The following RNF182 variants were observed in gnomAD, a reference collection of about 807,000 sequenced individuals.
RNF182 encodes the protein ring finger protein 182.
RNF182 carries 15 observed loss-of-function variants against 14.4 expected under a neutral mutation model. That is an observed-to-expected ratio of 1.04 (90% CI 0.70 to 1.60). The LOEUF is 1.60. RNF182 is among the 40% of genes most tolerant of loss of function. The probability of loss-of-function intolerance (pLI) is 0.00; values close to 1 mark genes in which losing one functional copy is unlikely to be tolerated. For missense variants in RNF182, 268 were observed against 294.8 expected, an observed-to-expected ratio of 0.91 and a Z score of 0.67; for synonymous variants, 128 against 122.9, an observed-to-expected ratio of 1.04 and a Z score of -0.27.
intron 1 of RNF182, among the ~76,000 whole-genome samples, chr6:13,934,716 T>G (rs1018827374): frequency 6.6e-6 from 1 of 152,354 alleles, no homozygotes; most frequent in Non-Finnish European, 1.5e-5. Flanking sequence ...TTCATTATTC[T>G]CCTGTCCTGG....
chr6:13,952,870 A>G (rs1471536596), intron 1 of RNF182, among the ~76,000 whole-genome samples: 1 of 152,240 alleles, frequency 6.6e-6, no homozygotes, highest in Non-Finnish European at 1.5e-5. Flanking sequence ...TTGTTTATAT[A>G]TAAGATAACA....
intron 1 of RNF182, among the ~76,000 whole-genome samples, chr6:13,926,082 G>A (rs1214744645): frequency 6.6e-6 from 1 of 152,036 alleles, no homozygotes; most frequent in Non-Finnish European, 1.5e-5. Context: ...ATGTTAATAA[G>A]ATTTGTTTTA....
chr6:13,977,495 T>TC lies in RNF182; in HGVS notation c.378dup (p.Asn127GlnfsTer28), dbSNP rs935163980. On this transcript the variant is annotated frameshift_variant, in exon 3 of 3. Transcript: ENST00000488300. LOFTEE classifies it high-confidence loss of function. ...TCTGGTCAGTCCTTCTCACACGTCC[T>TC]CCAACTGCCTGGTCATAACCATCAT... 1.3e-5 allele frequency: 21 copies of TC among 1,614,160 alleles called. No individual in the cohort carries two copies. Among genetic ancestry groups the TC allele is most frequent in the Non-Finnish European group, 1.8e-5 (21 of 1,180,022 alleles).
chr6:13,957,430 T>A (rs1424604950), intron 1 of RNF182, among the ~76,000 whole-genome samples: 1 of 152,242 alleles, frequency 6.6e-6, no homozygotes, highest in African/African-American at 2.4e-5. Flanking sequence ...TTAAATGTGG[T>A]AGAATATAGA....
chr6:13,951,519 A>G (rs1327041200), intron 1 of RNF182, among the ~76,000 whole-genome samples: 4 of 152,178 alleles, frequency 2.6e-5, no homozygotes, highest in Non-Finnish European at 5.9e-5. Context: ...TTCCTCCCTC[A>G]TAGCTGCCAT....
chr6:13,967,724 T>G lies in RNF182; in HGVS notation c.-366-6486T>G, dbSNP rs534770285. 1.5e-4 allele frequency among the ~76,000 whole-genome samples: 23 copies of G among 152,270 alleles called. No individual in the cohort carries two copies. The South Asian group carries it at 3.3e-3, about 22-fold the overall frequency. ...ATTTAAGAAAAGTATATAACCTTTTTAAAATTTATTAATTTTTTTTTAAAA... is the reference window on the plus strand; with the variant it reads ...ATTTAAGAAAAGTATATAACCTTTTGAAAATTTATTAATTTTTTTTTAAAA... On this transcript the variant is annotated intron_variant, in intron 1 of 2. Transcript: ENST00000488300.
intron 1 of RNF182, among the ~76,000 whole-genome samples, chr6:13,967,928 G>T (rs910957613): frequency 1.3e-5 from 2 of 152,034 alleles, no homozygotes; most frequent in Non-Finnish European, 2.9e-5. Flanking sequence ...TCAATAAAAG[G>T]TACACAATCT....
In RNF182 at chr6:13,978,965, AGACTTTGTGTTG is replaced by A. The variant is rs1221970079; in HGVS notation, c.*1103_*1114del. On this transcript the variant is annotated 3_prime_UTR_variant, in exon 3 of 3. Transcript: ENST00000488300. Reference sequence around the variant, plus strand: ...ATATGATGGTTTAGGTTTATGTGCAAGACTTTGTGTTGTAGTCTAGACAAAGGGGTGGGCAAG... The same window carrying A: ...ATATGATGGTTTAGGTTTATGTGCAATAGTCTAGACAAAGGGGTGGGCAAG... 6.0e-6 allele frequency: 1 copy of A among 167,082 alleles called. No homozygotes were observed. Among genetic ancestry groups the A allele is most frequent in the East Asian group, 1.9e-4 (1 of 5,198 alleles). The allele number at this position is 167,082 out of a possible 1,614,324, so 10.3% of individuals were successfully genotyped here.
intron 1 of RNF182, among the ~76,000 whole-genome samples, chr6:13,973,072 C>T (rs1760234026): frequency 6.6e-6 from 1 of 152,228 alleles, no homozygotes; most frequent in South Asian, 2.1e-4. Context: ...ACCATGGGAA[C>T]CCACCTCTTG....
chr6:13,952,479 G>A (rs767404380), intron 1 of RNF182, among the ~76,000 whole-genome samples: 2 of 152,192 alleles, frequency 1.3e-5, no homozygotes, highest in East Asian at 3.9e-4. Context: ...CTTACGTCTC[G>A]GGAGGGATGC....
chr6:13,968,761 T>C (rs558835490), intron 1 of RNF182, among the ~76,000 whole-genome samples: 1 of 152,322 alleles, frequency 6.6e-6, no homozygotes, highest in East Asian at 1.9e-4. Flanking sequence ...TGATGACCTT[T>C]GTGTATTTAT....
At chr6:13,939,839 G>T (rs144238023) in intron 1 of RNF182, among the ~76,000 whole-genome samples, 2 of 152,142 alleles carry the variant, frequency 1.3e-5, no homozygotes, top group Non-Finnish European at 2.9e-5. Context: ...CACTGTGCCC[G>T]GGCATAAATG....
intron 1 of RNF182, among the ~76,000 whole-genome samples, chr6:13,950,900 G>GCA (rs1759574258): frequency 6.6e-6 from 1 of 151,600 alleles, no homozygotes; most frequent in Non-Finnish European, 1.5e-5. Context: ...GGGTTCAAGT[G>GCA]ATTCTCCTGC....
At chr6:13,968,920 C>T (rs1429549794) in intron 1 of RNF182, among the ~76,000 whole-genome samples, 1 of 152,158 alleles carries the variant, frequency 6.6e-6, no homozygotes, top group African/African-American at 2.4e-5. Flanking sequence ...GATCTAAAAA[C>T]ACAATAAATT....
intron 1 of RNF182, among the ~76,000 whole-genome samples, chr6:13,947,370 G>T (rs898833124): frequency 3.3e-5 from 5 of 152,138 alleles, no homozygotes; most frequent in Admixed American, 3.3e-4. Context: ...AACCATGGTA[G>T]GACTGATTTG....
At chr6:13,960,390 C>T (rs1477938326) in intron 1 of RNF182, among the ~76,000 whole-genome samples, 1 of 152,020 alleles carries the variant, frequency 6.6e-6, no homozygotes, top group Admixed American at 6.6e-5. Context: ...ATCTGTAATC[C>T]CAGCACGTTG....
chr6:13,950,498 C>CTTT (rs34765708), intron 1 of RNF182, among the ~76,000 whole-genome samples: 11,508 of 121,870 alleles, frequency 0.094, 1,274 homozygotes, highest in Middle Eastern at 0.18. Flanking sequence ...AAAACAGGTA[C>CTTT]TTTTTTTTTT....
In RNF182 at chr6:13,977,581, G is replaced by T. The variant is rs764858089; in HGVS notation, c.462G>T (p.Arg154Ser). ...CCACTCCTGTGGTAGAATTTTATAG[G>T]CCTGCGAGTTTCGACTCTGTCACCA... ...LSSTPVVEFY[R>S]PASFDSVTTV... The change falls in exon 3 of 3, where the codon AGG (arginine) becomes AGT (serine). Residue 154 changes from arginine to serine, a missense_variant. Arg to Ser is a moderately radical substitution (Grantham distance 110, BLOSUM62 -1). Coordinates refer to ENST00000488300, the MANE Select transcript of RNF182 (RefSeq NM_152737.4). 18 of 1,614,176 alleles carry T rather than the reference G, an allele frequency of 1.1e-5. No homozygotes were observed. In the Admixed American group the frequency reaches 2.5e-4, roughly 22 times the overall value.
chr6:13,969,759 G>A (rs1258522885), intron 1 of RNF182, among the ~76,000 whole-genome samples: 3 of 151,900 alleles, frequency 2.0e-5, no homozygotes, highest in African/African-American at 7.3e-5. Flanking sequence ...AATAATAGTA[G>A]GTAATTATTT....
Sources: allele counts gnomAD v4.1 joint callset (sites outside exome capture counted in the v4.1 genomes callset), GRCh38; gene constraint gnomAD v4.1.1; transcripts MANE v1.5; gene names NCBI Gene and HGNC (gene_info 2026-07-23, HGNC 2026-07-21).